Variants in EBF2 observed in about 807,000 individuals in gnomAD.
The protein encoded by EBF2 is EBF transcription factor 2.
In EBF2, 21 loss-of-function variants were observed where a neutral mutation model predicts 72.8. That is an observed-to-expected ratio of 0.29 (90% CI 0.20 to 0.42). EBF2 has a LOEUF of 0.42. Among genes scored for constraint, EBF2 ranks in the 10% least tolerant of loss-of-function variants. The probability of loss-of-function intolerance (pLI) is 1.00; values close to 1 mark genes in which losing one functional copy is unlikely to be tolerated. For synonymous variants in EBF2, 299 were observed against 274.2 expected, an observed-to-expected ratio of 1.09 and a Z score of -0.89; for missense variants, 637 against 731.2, an observed-to-expected ratio of 0.87 and a Z score of 1.49.
intron 6 of EBF2, among the ~76,000 whole-genome samples, chr8:26,015,527 T>C (rs1025025527): frequency 2.0e-5 from 3 of 152,186 alleles, no homozygotes; most frequent in East Asian, 1.9e-4. Context: ...TTGCCTTCAA[T>C]AACTTGGGAT....
chr8:26,011,781 C>T lies in EBF2; in HGVS notation c.551+21304G>A, dbSNP rs574811931. On this transcript the variant is annotated intron_variant, in intron 6 of 15. Coordinates refer to ENST00000520164, the MANE Select transcript of EBF2 (RefSeq NM_022659.4). The stretch of plus-strand genomic sequence containing the variant: ...ATTCTCCAACTGTCAGCAGTCTTAA[C>T]GGAGAATAGAATTTACTTGAACTTT... Among the ~76,000 whole-genome samples, 25 of 151,986 alleles carry T rather than the reference C, an allele frequency of 1.6e-4. No homozygotes were observed. The East Asian group carries it at 2.1e-3, about 13-fold the overall frequency.
At position 25,844,604 on chromosome 8, in the gene EBF2, C is replaced by T. The variant is rs1801795037; in HGVS notation, c.*5G>A. 1.9e-6 allele frequency: 3 copies of T among 1,613,814 alleles called. No individual in the cohort carries two copies. Among genetic ancestry groups the T allele is most frequent in the South Asian group, 1.1e-5 (1 of 91,088 alleles). On this transcript the variant is annotated 3_prime_UTR_variant, in exon 16 of 16. Transcript: ENST00000520164. ...AGTTTTGTGCTATAAGAAAGCAGTT[C>T]TTCTTTACATCGGGGGTACAACAAG...
In EBF2 at chr8:25,858,401, G is replaced by C; in HGVS notation, c.1446C>G (p.Tyr482Ter). The C allele has an allele frequency of 6.2e-7, 1 of 1,614,170 alleles. No homozygotes were observed. The highest frequency in any genetic ancestry group is 8.5e-7 in the Non-Finnish European group (1 of 1,180,022). Residue 482 changes from tyrosine to a stop codon, truncating the protein, a stop_gained, in exon 14 of 16, where the codon TAC becomes TAG. Transcript: ENST00000520164. LOFTEE classifies it high-confidence loss of function. The stretch of plus-strand genomic sequence containing the variant: ...CCAAGTTGGCCATGGGGACATTGCT[G>C]TAGCCATTCATACTGTTGCTGGAGG... ...YSTSSNSMNG[Y>*]SNVPMANLGV... is the part of the protein sequence containing the mutation.
At chr8:25,963,163 T>C (rs141050456) in intron 6 of EBF2, among the ~76,000 whole-genome samples, 1 of 152,300 alleles carries the variant, frequency 6.6e-6, no homozygotes, top group East Asian at 1.9e-4. Context: ...AGCAACACAG[T>C]GAAGAGGTCC....
At chr8:25,866,346 T>C (rs952794619) in intron 10 of EBF2, among the ~76,000 whole-genome samples, 1 of 150,130 alleles carries the variant, frequency 6.7e-6, no homozygotes, top group Non-Finnish European at 1.5e-5. Context: ...CATGGTTCAA[T>C]AAGGGTTCAA....
At position 25,938,276 on chromosome 8, in the gene EBF2, T is replaced by C. The variant is rs1803612574; in HGVS notation, c.552-29721A>G. Among the ~76,000 whole-genome samples, 5 of 152,246 alleles carry C rather than the reference T, an allele frequency of 3.3e-5. No individual in the cohort carries two copies. In the South Asian group the frequency reaches 1.0e-3, roughly 32 times the overall value. ...AGAATTCCCTAATTCCCTAAAATGTTTCAATGCATCTTGAGGTATTATTTT... is the reference window on the plus strand; with the variant it reads ...AGAATTCCCTAATTCCCTAAAATGTCTCAATGCATCTTGAGGTATTATTTT... On this transcript the variant is annotated intron_variant, in intron 6 of 15. Coordinates refer to ENST00000520164, the MANE Select transcript of EBF2 (RefSeq NM_022659.4).
At chr8:26,007,307 C>G (rs939773458) in intron 6 of EBF2, among the ~76,000 whole-genome samples, 15 of 152,090 alleles carry the variant, frequency 9.9e-5, no homozygotes, top group Non-Finnish European at 1.9e-4. Context: ...CTTGAGGGGG[C>G]CCCTGAACAC....
At chr8:25,874,853 C>CTTTTTTTT (rs1183233269) in intron 10 of EBF2, among the ~76,000 whole-genome samples, 1 of 99,574 alleles carries the variant, frequency 1.0e-5, no homozygotes, top group Non-Finnish European at 1.9e-5. Flanking sequence ...GCCTGGCTAA[C>CTTTTTTTT]TTTTTTTTTT....
rs73677225 is a variant in EBF2, at chr8:25,854,184, G to C, written c.1529-3423C>G. Among the ~76,000 whole-genome samples, 408 of 149,410 alleles carry C rather than the reference G, an allele frequency of 2.7e-3. 3 individuals carry two copies. Among genetic ancestry groups the C allele is most frequent in the African/African-American group, 9.6e-3 (387 of 40,294 alleles). ...TTTTAACTTTCCTCTTTCATTTAAG[G>C]CTGTACTACTTATAAACAAAGTTGT... On this transcript the variant is annotated intron_variant, in intron 14 of 15. Transcript: ENST00000520164.
intron 6 of EBF2, among the ~76,000 whole-genome samples, chr8:25,943,330 A>AAAGAAAG (rs1563408692): frequency 5.5e-5 from 8 of 145,078 alleles, no homozygotes; most frequent in African/African-American, 2.2e-4. Context: ...AAAAAAAAAA[A>AAAGAAAG]AAAGAAAGAA....
At chr8:26,030,378 T>A (rs1298760895) in intron 6 of EBF2, among the ~76,000 whole-genome samples, 1 of 150,816 alleles carries the variant, frequency 6.6e-6, no homozygotes, top group South Asian at 2.1e-4. Context: ...ACAAAGGACA[T>A]GAACTCATCA....
chr8:25,898,154 G>T (rs951010012), intron 7 of EBF2, among the ~76,000 whole-genome samples: 2 of 152,106 alleles, frequency 1.3e-5, no homozygotes, highest in African/African-American at 4.8e-5. Flanking sequence ...ATTAAACTGT[G>T]GCCACTGTGT....
chr8:26,040,797 C>T, intron 3 of EBF2, 126 bp from the exon 4 acceptor site: 21 of 1,470,980 alleles, frequency 1.4e-5, no homozygotes, highest in Non-Finnish European at 1.9e-5. Flanking sequence ...GAGACGGTGA[C>T]CTCCCAATCC....
chr8:25,877,855 C>T lies in EBF2; in HGVS notation c.1009+8900G>A, dbSNP rs1048638551. ...TAGGCCAGAAAGCCTCTCCAACAGC[C>T]TCAGGAGCAGAACTCAGGTTTCTCA... On this transcript the variant is annotated intron_variant, in intron 10 of 15. Transcript: ENST00000520164. 2.0e-5 allele frequency among the ~76,000 whole-genome samples: 3 copies of T among 152,140 alleles called. No individual in the cohort carries two copies. The South Asian group carries it at 6.2e-4, about 31-fold the overall frequency.
intron 15 of EBF2, among the ~76,000 whole-genome samples, chr8:25,849,045 G>A (rs181823895): frequency 2.6e-5 from 4 of 152,292 alleles, no homozygotes; most frequent in Admixed American, 2.6e-4. Context: ...TGGGCAAGTG[G>A]AGACACTTAG....
intron 1 of EBF2, among the ~76,000 whole-genome samples, chr8:26,043,589 G>C (rs1183334768): frequency 6.6e-6 from 1 of 152,194 alleles, no homozygotes. Context: ...GGCCACAGGA[G>C]GGAGGGAACC....
chr8:25,980,682 G>C (rs1025898428), intron 6 of EBF2, among the ~76,000 whole-genome samples: 1 of 151,482 alleles, frequency 6.6e-6, no homozygotes, highest in African/African-American at 2.4e-5. Context: ...GTCCCAGGGG[G>C]AGCTGCTCCA....
At chr8:25,917,360 T>C (rs1218750355) in intron 6 of EBF2, among the ~76,000 whole-genome samples, 1 of 152,158 alleles carries the variant, frequency 6.6e-6, no homozygotes. Flanking sequence ...AAAATAATAA[T>C]TGAACTCTTT....
At chr8:25,934,211 G>T (rs928015668) in intron 6 of EBF2, among the ~76,000 whole-genome samples, 3 of 136,482 alleles carry the variant, frequency 2.2e-5, no homozygotes, top group African/African-American at 8.4e-5. Flanking sequence ...GCTTATTGTT[G>T]ACTTCATGTG....
Sources: allele counts gnomAD v4.1 joint callset (sites outside exome capture counted in the v4.1 genomes callset), GRCh38; gene constraint gnomAD v4.1.1; transcripts MANE v1.5; gene names NCBI Gene and HGNC (gene_info 2026-07-23, HGNC 2026-07-21).